Variants in HDAC9 observed in about 807,000 individuals in gnomAD.
The protein encoded by HDAC9 is histone deacetylase 9, also known as MEF-2 interacting transcription repressor (MITR) protein.
A neutral mutation model predicts 139.4 loss-of-function variants in HDAC9; 41 were observed. The ratio of observed to expected loss-of-function variants is 0.29; its 90% CI spans 0.23 to 0.38. HDAC9 has a LOEUF of 0.38. Ranked by LOEUF, HDAC9 falls within the 10% of genes least tolerant of loss-of-function variation. The pLI, the probability that HDAC9 is intolerant of heterozygous loss-of-function variation, is 1.00. For synonymous variants in HDAC9, 517 were observed against 476.2 expected, an observed-to-expected ratio of 1.09 and a Z score of -1.12; for missense variants, 1,147 against 1,297.0, an observed-to-expected ratio of 0.88 and a Z score of 1.78.
intron 6 of HDAC9, among the ~76,000 whole-genome samples, chr7:18,613,171 A>G (rs556403110): frequency 6.6e-6 from 1 of 150,858 alleles, no homozygotes; most frequent in East Asian, 1.9e-4. Context: ...CTATTACTTC[A>G]TAGAATAAAG....
chr7:18,355,945 G>C (rs2128680628), intron 1 of HDAC9, among the ~76,000 whole-genome samples: 1 of 152,280 alleles, frequency 6.6e-6, no homozygotes, highest in Middle Eastern at 3.4e-3. Flanking sequence ...AAACTGGCTA[G>C]AGGGATCTTA....
intron 1 of HDAC9, among the ~76,000 whole-genome samples, chr7:18,487,828 C>G (rs1375929199): frequency 6.6e-6 from 1 of 151,992 alleles, no homozygotes; most frequent in Admixed American, 6.6e-5. Context: ...CACGTATCAA[C>G]TTGACTTTTG....
rs569303889 is a variant in HDAC9 at position 18,511,800 on chromosome 7, T to C, written c.22+15476T>C. Among the ~76,000 whole-genome samples, 4 of 152,256 alleles carry C rather than the reference T, an allele frequency of 2.6e-5. No homozygotes were observed. The South Asian group carries it at 8.3e-4, about 32-fold the overall frequency. ...CACACCCCTGCCAATATATTGGATATTGTCAGACTGTAGATATTTTTGCCA... is the reference window on the plus strand; with the variant it reads ...CACACCCCTGCCAATATATTGGATACTGTCAGACTGTAGATATTTTTGCCA... On this transcript the variant is annotated intron_variant, in intron 2 of 25. Transcript: ENST00000686413.
At chr7:18,345,105 C>G (rs1782301720) in intron 1 of HDAC9, among the ~76,000 whole-genome samples, 1 of 151,882 alleles carries the variant, frequency 6.6e-6, no homozygotes, top group Non-Finnish European at 1.5e-5. Context: ...CAAGCAAACA[C>G]CTGTCAGATG....
chr7:18,593,380 A>G (rs1831534818), intron 5 of HDAC9, among the ~76,000 whole-genome samples: 1 of 152,142 alleles, frequency 6.6e-6, no homozygotes, highest in Admixed American at 6.6e-5. Context: ...AAAGAATGTG[A>G]TCCCCATTCT....
intron 17 of HDAC9, among the ~76,000 whole-genome samples, chr7:18,822,455 A>T (rs1368657406): frequency 6.6e-6 from 1 of 152,122 alleles, no homozygotes; most frequent in Non-Finnish European, 1.5e-5. Flanking sequence ...CCCGGGTTCA[A>T]GCGATTCTCC....
intron 2 of HDAC9, among the ~76,000 whole-genome samples, chr7:18,268,288 T>C (rs1326206378): frequency 6.6e-6 from 1 of 152,182 alleles, no homozygotes; most frequent in Non-Finnish European, 1.5e-5. Flanking sequence ...ATACAGTCGA[T>C]ACATACATTG....
At chr7:18,327,632 ATATC>A (rs1372208236) in intron 1 of HDAC9, 8 of 151,992 alleles carry the variant, frequency 5.3e-5, no homozygotes, top group Non-Finnish European at 1.2e-4. Flanking sequence ...ACTTGTTTTT[ATATC>A]TGGCATAAAT....
intron 12 of HDAC9, among the ~76,000 whole-genome samples, chr7:18,722,770 A>C (rs1785234894): frequency 6.6e-6 from 1 of 152,196 alleles, no homozygotes; most frequent in Non-Finnish European, 1.5e-5. Context: ...GTAAAAGTGT[A>C]TAATTGCAAT....
chr7:18,654,360 A>G (rs1168406640), intron 11 of HDAC9, among the ~76,000 whole-genome samples: 2 of 152,104 alleles, frequency 1.3e-5, no homozygotes, highest in African/African-American at 4.8e-5. Flanking sequence ...CACCTTCTCC[A>G]TAGATACCTT....
chr7:18,414,596 A>G (rs575502757), intron 1 of HDAC9, among the ~76,000 whole-genome samples: 2 of 152,182 alleles, frequency 1.3e-5, no homozygotes, highest in Non-Finnish European at 2.9e-5. Context: ...TAAACAAGTG[A>G]CCTCTGAGAT....
intron 21 of HDAC9, among the ~76,000 whole-genome samples, chr7:18,858,243 G>C (rs1478197246): frequency 6.6e-6 from 1 of 152,160 alleles, no homozygotes; most frequent in East Asian, 1.9e-4. Flanking sequence ...TTCTTAGGCT[G>C]CTGTGAAGAA....
chr7:18,283,863 T>C (rs2128221238), intron 2 of HDAC9, among the ~76,000 whole-genome samples: 1 of 152,326 alleles, frequency 6.6e-6, no homozygotes. Flanking sequence ...CTTTGGATTT[T>C]TGGAAAGTAT....
At chr7:18,446,636 G>C (rs1050474905) in intron 1 of HDAC9, among the ~76,000 whole-genome samples, 3 of 152,000 alleles carry the variant, frequency 2.0e-5, no homozygotes, top group African/African-American at 4.8e-5. Context: ...CAAAAGCACT[G>C]TTGATATAGT....
intron 2 of HDAC9, among the ~76,000 whole-genome samples, chr7:18,194,906 A>G (rs1790619068): frequency 6.6e-6 from 1 of 151,902 alleles, no homozygotes; most frequent in Non-Finnish European, 1.5e-5. Context: ...TATTAAGGTT[A>G]TAGGAGGCAA....
intron 6 of HDAC9, among the ~76,000 whole-genome samples, chr7:18,594,630 A>C (rs1385389634): frequency 1.3e-5 from 2 of 151,992 alleles, no homozygotes; most frequent in African/African-American, 4.8e-5. Context: ...GAATTTAGTA[A>C]ACAGTTCTGT....
chr7:18,499,013 C>T (rs929559510), intron 2 of HDAC9, among the ~76,000 whole-genome samples: 8 of 151,674 alleles, frequency 5.3e-5, no homozygotes, highest in Non-Finnish European at 1.2e-4. Context: ...TATTTTGTTA[C>T]CTTGGTTTGA....
chr7:18,918,936 A>G (rs1157527658), intron 22 of HDAC9, among the ~76,000 whole-genome samples: 1 of 152,050 alleles, frequency 6.6e-6, no homozygotes, highest in Non-Finnish European at 1.5e-5. Flanking sequence ...ATAGAGCCCA[A>G]GTTGCTTTTG....
At chr7:18,705,007 T>A (rs1001733720) in intron 12 of HDAC9, among the ~76,000 whole-genome samples, 3 of 152,212 alleles carry the variant, frequency 2.0e-5, no homozygotes, top group Non-Finnish European at 4.4e-5. Context: ...TTTCTAGTAG[T>A]CAATTAAAAA....
Sources: allele counts gnomAD v4.1 joint callset (sites outside exome capture counted in the v4.1 genomes callset), GRCh38; gene constraint gnomAD v4.1.1; transcripts MANE v1.5; gene names NCBI Gene and HGNC (gene_info 2026-07-23, HGNC 2026-07-21).